The following KPNB1 variants were observed in gnomAD, a reference collection of about 807,000 sequenced individuals.
KPNB1 encodes importin subunit beta-1.
In KPNB1, 7 loss-of-function variants were observed where a neutral mutation model predicts 113.0. The observed-to-expected ratio is 0.06, with a 90% CI of 0.04 to 0.12. The LOEUF (loss-of-function observed/expected upper bound fraction) is 0.12, where lower values mean the gene tolerates loss of function less well. Among genes scored for constraint, KPNB1 ranks in the 10% least tolerant of loss-of-function variants. The pLI, the probability that KPNB1 is intolerant of heterozygous loss-of-function variation, is 1.00. For synonymous variants in KPNB1, 363 were observed against 378.6 expected, an observed-to-expected ratio of 0.96 and a Z score of 0.48; for missense variants, 400 against 1,054.8, an observed-to-expected ratio of 0.38 and a Z score of 8.60.
At chr17:47,679,085 A>T (rs1224171019) in intron 19 of KPNB1, among the ~76,000 whole-genome samples, 21 of 138,946 alleles carry the variant, frequency 1.5e-4, no homozygotes, top group African/African-American at 4.5e-4. Context: ...ATGCCCAGCT[A>T]TTTTTTTTTT....
Position 47,678,297 on chromosome 17 carries a change from G to A in KPNB1, c.2248-11G>A. ...CAGTGTGATGTAGGTTCTGTTCTTT[G>A]TGTCTTACAGTCAGACTATGACATG... On this transcript the variant is annotated splice_polypyrimidine_tract_variant and intron_variant, in intron 18 of 21. Transcript: ENST00000290158. 2 of 1,612,626 alleles carry A rather than the reference G, an allele frequency of 1.2e-6. No homozygotes were observed. Among genetic ancestry groups the A allele is most frequent in the South Asian group, 1.1e-5 (1 of 91,058 alleles).
In KPNB1 at chr17:47,670,263, T is replaced by A. The variant is rs1052084105; in HGVS notation, c.1416+394T>A. 6 of 222,208 alleles carry A rather than the reference T, an allele frequency of 2.7e-5. No individual in the cohort carries two copies. In the East Asian group the frequency reaches 4.6e-4, roughly 17 times the overall value. The allele number at this position is 222,208 out of a possible 1,614,324, so 13.8% of individuals were successfully genotyped here. On this transcript the variant is annotated intron_variant, in intron 11 of 21. Transcript: ENST00000290158. ...CTGAGTCAGTATAGGCTAATGTAAT[T>A]GGTTAAGGGGAGGAAGTTCAAATAA...
chr17:47,681,686 G>GTTTGTTTTT (rs1567896578), intron 21 of KPNB1, among the ~76,000 whole-genome samples: 2 of 96,034 alleles, frequency 2.1e-5, no homozygotes, highest in Non-Finnish European at 3.8e-5. Flanking sequence ...GGAATTATAG[G>GTTTGTTTTT]TTTTTTTTTT....
At chr17:47,659,327 C>T (rs745475256) in intron 5 of KPNB1, among the ~76,000 whole-genome samples, 1 of 150,972 alleles carries the variant, frequency 6.6e-6, no homozygotes, top group Non-Finnish European at 1.5e-5. Context: ...CCAGCCTGGG[C>T]GACAGAGCAA....
chr17:47,681,414 C>T (rs760962662), intron 21 of KPNB1, among the ~76,000 whole-genome samples: 1 of 151,790 alleles, frequency 6.6e-6, no homozygotes, highest in Non-Finnish European at 1.5e-5. Context: ...ATTACAGGTG[C>T]CCTACCACCA....
intron 15 of KPNB1, among the ~76,000 whole-genome samples, chr17:47,675,361 G>GTTTTTTTT (rs1166648701): frequency 0.017 from 1,488 of 88,364 alleles, 262 homozygotes; most frequent in Non-Finnish European, 0.023. Context: ...CAGAGGTGTT[G>GTTTTTTTT]TTTTTTTTTT....
intron 8 of KPNB1, 65 bp downstream of exon 8, chr17:47,664,334 C>A: frequency 9.4e-7 from 1 of 1,061,792 alleles, no homozygotes; most frequent in Non-Finnish European, 1.5e-6. Flanking sequence ...GGATGATGTT[C>A]CCCTTCTAGG....
At chr17:47,674,921 A>T in intron 15 of KPNB1, 139 bp downstream of exon 15, 2 of 800,980 alleles carry the variant, frequency 2.5e-6, no homozygotes, top group Non-Finnish European at 3.9e-6. Context: ...GGCTCACATG[A>T]TCCTTCCACT....
At chr17:47,666,445 T>TTA (rs2030276616) in intron 9 of KPNB1, among the ~76,000 whole-genome samples, 1 of 144,068 alleles carries the variant, frequency 6.9e-6, no homozygotes, top group African/African-American at 2.6e-5. Context: ...ATTATATATT[T>TTA]TATATATTAT....
In KPNB1 at chr17:47,673,733, C is replaced by G. The variant is rs146122386; in HGVS notation, c.1767+172C>G. On this transcript the variant is annotated intron_variant, in intron 14 of 21. Coordinates refer to ENST00000290158, the MANE Select transcript of KPNB1 (RefSeq NM_002265.6). ...GTTGATTGGGAGAGGAATTCCCCACCTGCCTTACCTGTCTGTCTAGAAAGA... is the reference window on the plus strand; with the variant it reads ...GTTGATTGGGAGAGGAATTCCCCACGTGCCTTACCTGTCTGTCTAGAAAGA... 3.5e-4 allele frequency: 211 copies of G among 604,104 alleles called. No individual in the cohort carries two copies. The African/African-American group carries it at 3.6e-3, about 10-fold the overall frequency. The allele number at this position is 604,104 out of a possible 1,614,324, so 37.4% of individuals were successfully genotyped here.
intron 3 of KPNB1, among the ~76,000 whole-genome samples, chr17:47,654,698 C>T (rs767199015): frequency 6.6e-6 from 1 of 152,112 alleles, no homozygotes; most frequent in Admixed American, 6.5e-5. Flanking sequence ...GTTTCTAAAT[C>T]ACCTCAAGTA....
At chr17:47,668,904 G>A (rs187782689) in intron 10 of KPNB1, among the ~76,000 whole-genome samples, 1 of 150,850 alleles carries the variant, frequency 6.6e-6, no homozygotes, top group Non-Finnish European at 1.5e-5. Context: ...TGTTGTGCTT[G>A]TTTTGCTATT....
chr17:47,650,561 T>TCCCCCCCCCCC (rs1220708651), intron 2 of KPNB1, 117 bp downstream of exon 2: 3 of 402,490 alleles, frequency 7.5e-6, no homozygotes, highest in Non-Finnish European at 1.2e-5. Flanking sequence ...CCCGTCCCCC[T>TCCCCCCCCCCC]CCCCCCTCCC....
At chr17:47,667,347 G>A (rs1216518622) in intron 9 of KPNB1, among the ~76,000 whole-genome samples, 5 of 150,700 alleles carry the variant, frequency 3.3e-5, no homozygotes, top group African/African-American at 7.3e-5. Context: ...GGCTGGTCTC[G>A]AAGTCCTGAC....
intron 6 of KPNB1, among the ~76,000 whole-genome samples, chr17:47,661,597 ATAAT>A (rs2143115264): frequency 1.3e-5 from 2 of 152,192 alleles, no homozygotes; most frequent in South Asian, 4.1e-4. Flanking sequence ...AATAATAATG[ATAAT>A]TAATAAAAAC....
At chr17:47,670,993 C>T (rs752583160) in intron 12 of KPNB1, among the ~76,000 whole-genome samples, 161 bp downstream of exon 12, 3 of 152,244 alleles carry the variant, frequency 2.0e-5, no homozygotes, top group Non-Finnish European at 2.9e-5. Flanking sequence ...CGGTGGCTCA[C>T]GCCTATATTC....
chr17:47,681,541 G>A (rs1185250471), intron 21 of KPNB1, among the ~76,000 whole-genome samples: 1 of 151,300 alleles, frequency 6.6e-6, no homozygotes, highest in Non-Finnish European at 1.5e-5. Flanking sequence ...CAAAGTACTG[G>A]GATTACAGGC....
chr17:47,673,841 A>G, intron 14 of KPNB1: 1 of 406,298 alleles, frequency 2.5e-6, no homozygotes, highest in East Asian at 4.4e-5. Flanking sequence ...TTCAACATAC[A>G]CTCCTCAGAC....
chr17:47,672,883 A>G (rs1353498735), intron 12 of KPNB1, 135 bp from the exon 13 acceptor site: 6 of 672,060 alleles, frequency 8.9e-6, no homozygotes, highest in South Asian at 4.7e-5. Context: ...TCATTCTTGG[A>G]TATTGTGTTT....
Sources: gnomAD v4.1 joint callset for allele counts (sites outside exome capture counted in the v4.1 genomes callset) on GRCh38, gnomAD v4.1.1 for gene constraint, MANE v1.5 for transcripts, NCBI Gene and HGNC (gene_info 2026-07-23, HGNC 2026-07-21) for gene names.